Variants in LRRC7 observed in about 807,000 individuals in gnomAD.
LRRC7 encodes the protein leucine-rich repeat-containing protein 7.
In LRRC7, 23 loss-of-function variants were observed where a neutral mutation model predicts 175.7. The observed-to-expected ratio is 0.13, with a 90% CI of 0.09 to 0.19. LRRC7 has a LOEUF of 0.19. LRRC7 is among the 10% of genes least tolerant of loss of function. LRRC7 has a pLI of 1.00. For missense variants in LRRC7, 1,354 were observed against 1,904.7 expected, an observed-to-expected ratio of 0.71 and a Z score of 5.38; for synonymous variants, 685 against 680.9, an observed-to-expected ratio of 1.01 and a Z score of -0.09.
At chr1:69,777,962 C>A (rs1298015352) in intron 3 of LRRC7, among the ~76,000 whole-genome samples, 3 of 152,188 alleles carry the variant, frequency 2.0e-5, no homozygotes, top group Non-Finnish European at 4.4e-5. Flanking sequence ...GGGGAAAAAA[C>A]CATGCAGCTT....
rs1666584259 is a variant in LRRC7, at chr1:70,129,547, GAA to G, written c.*7663_*7664del. 6.6e-6 allele frequency among the ~76,000 whole-genome samples: 1 copy of G among 152,156 alleles called. No homozygotes were observed. The highest frequency in any genetic ancestry group is 2.4e-5 in the African/African-American group (1 of 41,422). On this transcript the variant is annotated 3_prime_UTR_variant, in exon 27 of 27. Coordinates refer to ENST00000651989, the MANE Select transcript of LRRC7 (RefSeq NM_001370785.2). ...TTTAAAAAGTGTGGGGGGGTTGCTT[GAA>G]AAGAGTCTTCTAGGTTCAGCGGCCC...
intron 26 of LRRC7, among the ~76,000 whole-genome samples, chr1:70,109,143 T>C (rs1472070711): frequency 6.6e-6 from 1 of 152,098 alleles, no homozygotes; most frequent in African/African-American, 2.4e-5. Context: ...TGCCTCAGCC[T>C]CCCAAGTAGC....
chr1:69,692,976 T>G (rs564838147), intron 2 of LRRC7, among the ~76,000 whole-genome samples: 4 of 152,306 alleles, frequency 2.6e-5, no homozygotes, highest in Admixed American at 6.5e-5. Flanking sequence ...TGCTCACTGC[T>G]GGAGCTGGGA....
intron 18 of LRRC7, 96 bp downstream of exon 18, chr1:70,028,467 T>C (rs1571078343): frequency 1.9e-6 from 2 of 1,036,746 alleles, no homozygotes; most frequent in Admixed American, 2.8e-5. Context: ...GATAAGTGCA[T>C]TTTTTTCCTA....
chr1:69,705,135 C>T (rs572210589), intron 2 of LRRC7, among the ~76,000 whole-genome samples: 1 of 152,118 alleles, frequency 6.6e-6, no homozygotes, highest in Admixed American at 6.6e-5. Flanking sequence ...TCTTACACAA[C>T]CTTTACCATT....
At chr1:69,947,801 A>G (rs1370918708) in intron 8 of LRRC7, among the ~76,000 whole-genome samples, 1 of 152,140 alleles carries the variant, frequency 6.6e-6, no homozygotes, top group Non-Finnish European at 1.5e-5. Context: ...ATACATACCT[A>G]TGATAAAGTT....
At chr1:69,722,889 T>C (rs1666519170) in intron 2 of LRRC7, among the ~76,000 whole-genome samples, 1 of 152,116 alleles carries the variant, frequency 6.6e-6, no homozygotes, top group Non-Finnish European at 1.5e-5. Context: ...TATATACACA[T>C]ATGTACACTC....
chr1:69,890,766 C>T (rs1645810506), intron 7 of LRRC7, among the ~76,000 whole-genome samples: 1 of 152,236 alleles, frequency 6.6e-6, no homozygotes, highest in African/African-American at 2.4e-5. Flanking sequence ...TAATTCACTG[C>T]AGCTTCTACA....
intron 2 of LRRC7, among the ~76,000 whole-genome samples, chr1:69,694,209 A>T (rs895370110): frequency 5.3e-5 from 8 of 152,164 alleles, no homozygotes; most frequent in East Asian, 3.9e-4. Flanking sequence ...GTGTTCCCTT[A>T]GGGCAAGGCA....
rs1490583686 is a variant in LRRC7, at chr1:70,137,561, G to T, written c.*15674G>T. Among the ~76,000 whole-genome samples, 1 of 152,196 alleles carries T rather than the reference G, an allele frequency of 6.6e-6. No individual in the cohort carries two copies. Among genetic ancestry groups the T allele is most frequent in the African/African-American group, 2.4e-5 (1 of 41,440 alleles). On this transcript the variant is annotated 3_prime_UTR_variant, in exon 27 of 27. Transcript: ENST00000651989. ...GTTAGCAAACACTCCACCACTGGGG[G>T]TTGCTTTGTGTTTAAGTACCTAATA...
At chr1:70,088,060 C>T (rs1663744989) in intron 24 of LRRC7, among the ~76,000 whole-genome samples, 1 of 152,086 alleles carries the variant, frequency 6.6e-6, no homozygotes, top group African/African-American at 2.4e-5. Context: ...ATGGGCTAAG[C>T]AAGAATTCTG....
In LRRC7 at chr1:69,666,119, A is replaced by G. The variant is rs568859385; in HGVS notation, c.3-12262A>G. On this transcript the variant is annotated intron_variant, in intron 1 of 26. Transcript: ENST00000651989. ...GTCCTTTATTGCATTGATAGAATGT[A>G]TTACATTAATTTATTTGCATATGTT... Among the ~76,000 whole-genome samples, 10 of 152,250 alleles carry G rather than the reference A, an allele frequency of 6.6e-5. No individual in the cohort carries two copies. In the South Asian group the frequency reaches 1.9e-3, roughly 28 times the overall value.
At position 70,137,623 on chromosome 1, in the gene LRRC7, A is replaced by G. The variant is rs1274080382; in HGVS notation, c.*15736A>G. On this transcript the variant is annotated 3_prime_UTR_variant, in exon 27 of 27. Coordinates refer to ENST00000651989, the MANE Select transcript of LRRC7 (RefSeq NM_001370785.2). ...GTTCAGTAAGAAATGCAACTTGAAC[A>G]GCCCCTGAGATAAAATTTTCTAGGA... Among the ~76,000 whole-genome samples, 1 of 152,252 alleles carries G rather than the reference A, an allele frequency of 6.6e-6. No individual in the cohort carries two copies. The highest frequency in any genetic ancestry group is 2.4e-5 in the African/African-American group (1 of 41,466).
chr1:70,076,814 A>G (rs1338350111), intron 24 of LRRC7, among the ~76,000 whole-genome samples: 5 of 152,208 alleles, frequency 3.3e-5, no homozygotes, highest in African/African-American at 1.2e-4. Context: ...TGTTTCTGAC[A>G]TGCTTCAAAA....
At chr1:70,115,022 T>C (rs1245973269) in intron 26 of LRRC7, among the ~76,000 whole-genome samples, 1 of 152,134 alleles carries the variant, frequency 6.6e-6, no homozygotes, top group Non-Finnish European at 1.5e-5. Context: ...AGTTCTTCCA[T>C]TGTCAACAAA....
At chr1:69,646,061 A>T (rs1328347489) in intron 1 of LRRC7, among the ~76,000 whole-genome samples, 1 of 152,130 alleles carries the variant, frequency 6.6e-6, no homozygotes, top group African/African-American at 2.4e-5. Context: ...ATGAATGATT[A>T]AAAAGATGTA....
chr1:69,918,269 C>G (rs894423517), intron 7 of LRRC7, among the ~76,000 whole-genome samples: 1 of 152,126 alleles, frequency 6.6e-6, no homozygotes. Flanking sequence ...GTGGAGAAAC[C>G]CTGCGTCTCT....
At chr1:69,606,542 G>A (rs1647613581) in intron 1 of LRRC7, among the ~76,000 whole-genome samples, 1 of 151,964 alleles carries the variant, frequency 6.6e-6, no homozygotes, top group South Asian at 2.1e-4. Flanking sequence ...ACTGTAATAT[G>A]CATTTATACT....
At chr1:69,836,975 C>G (rs973223562) in intron 6 of LRRC7, among the ~76,000 whole-genome samples, 1 of 151,556 alleles carries the variant, frequency 6.6e-6, no homozygotes, top group South Asian at 2.1e-4. Context: ...AAAATATTTC[C>G]CCAAACATTA....
Sources: allele counts gnomAD v4.1 joint callset (sites outside exome capture counted in the v4.1 genomes callset), GRCh38; gene constraint gnomAD v4.1.1; transcripts MANE v1.5; gene names NCBI Gene and HGNC (gene_info 2026-07-23, HGNC 2026-07-21).